ROBO2: variants seen among roughly 807,000 people sequenced by gnomAD.
ROBO2 encodes the protein roundabout homolog 2.
A neutral mutation model predicts 160.8 loss-of-function variants in ROBO2; 53 were observed. The observed-to-expected ratio is 0.33, with a 90% CI of 0.26 to 0.41. ROBO2 has a LOEUF of 0.41. ROBO2 is among the 10% of genes least tolerant of loss of function. The pLI is 1.00. For synonymous variants in ROBO2, 664 were observed against 611.7 expected, an observed-to-expected ratio of 1.09 and a Z score of -1.26; for missense variants, 1,577 against 1,722.4, an observed-to-expected ratio of 0.92 and a Z score of 1.49.
intron 2 of ROBO2, among the ~76,000 whole-genome samples, chr3:76,556,213 C>T (rs1290970905): frequency 6.6e-6 from 1 of 152,166 alleles, no homozygotes; most frequent in African/African-American, 2.4e-5. Flanking sequence ...TAAGAATTCA[C>T]ACCACATTTC....
At chr3:76,196,174 A>C (rs1702253090) in intron 2 of ROBO2, among the ~76,000 whole-genome samples, 1 of 152,108 alleles carries the variant, frequency 6.6e-6, no homozygotes, top group African/African-American at 2.4e-5. Context: ...TTAGCCAAGA[A>C]GCTAAAATGT....
At chr3:76,925,101 G>C (rs560984767) in intron 2 of ROBO2, among the ~76,000 whole-genome samples, 1 of 150,620 alleles carries the variant, frequency 6.6e-6, no homozygotes, top group Non-Finnish European at 1.5e-5. Context: ...CCAGCTACTT[G>C]GGAGGCTGAG....
At chr3:76,154,169 G>C (rs1466196147) in intron 2 of ROBO2, among the ~76,000 whole-genome samples, 1 of 152,070 alleles carries the variant, frequency 6.6e-6, no homozygotes, top group Non-Finnish European at 1.5e-5. Flanking sequence ...ACCGCGCTTT[G>C]GTAACGTTGT....
intron 2 of ROBO2, among the ~76,000 whole-genome samples, chr3:76,694,385 G>A (rs1384628210): frequency 6.6e-6 from 1 of 152,070 alleles, no homozygotes; most frequent in African/African-American, 2.4e-5. Context: ...TTGAAACTGT[G>A]CCAAGCTAAT....
At chr3:76,952,108 C>T (rs1481565435) in intron 2 of ROBO2, among the ~76,000 whole-genome samples, 1 of 152,138 alleles carries the variant, frequency 6.6e-6, no homozygotes, top group Non-Finnish European at 1.5e-5. Context: ...TGACTTTCAG[C>T]AGACCTCCCA....
chr3:77,006,173 G>A (rs1332652736), intron 2 of ROBO2, among the ~76,000 whole-genome samples: 1 of 151,902 alleles, frequency 6.6e-6, no homozygotes, highest in African/African-American at 2.4e-5. Flanking sequence ...GTTTGTTAAG[G>A]ATTCACTGTA....
At chr3:77,488,488 A>G (rs1471373378) in intron 4 of ROBO2, among the ~76,000 whole-genome samples, 3 of 152,202 alleles carry the variant, frequency 2.0e-5, no homozygotes, top group African/African-American at 7.2e-5. Context: ...ATGTTTTAAA[A>G]TTAAGTTTGC....
At chr3:77,566,661 G>A (rs777513865) in intron 12 of ROBO2, among the ~76,000 whole-genome samples, 1 of 152,018 alleles carries the variant, frequency 6.6e-6, no homozygotes, top group Non-Finnish European at 1.5e-5. Context: ...ACTAAATCTT[G>A]ACTCATAAAA....
At chr3:76,147,061 C>T (rs936337762) in intron 2 of ROBO2, among the ~76,000 whole-genome samples, 2 of 150,910 alleles carry the variant, frequency 1.3e-5, no homozygotes, top group East Asian at 2.0e-4. Context: ...ACAGCAAACC[C>T]CAATGACATA....
At chr3:77,174,724 C>A (rs898249300) in intron 2 of ROBO2, among the ~76,000 whole-genome samples, 11 of 152,008 alleles carry the variant, frequency 7.2e-5, no homozygotes, top group Admixed American at 6.6e-4. Context: ...CGAAACCTGT[C>A]AAATAGCTAC....
chr3:77,177,863 T>G (rs1279576633), intron 2 of ROBO2, among the ~76,000 whole-genome samples: 1 of 152,086 alleles, frequency 6.6e-6, no homozygotes, highest in Non-Finnish European at 1.5e-5. Flanking sequence ...TCTCTTCCAT[T>G]TATAATTATG....
intron 2 of ROBO2, among the ~76,000 whole-genome samples, chr3:76,268,008 A>G (rs1707200718): frequency 6.6e-6 from 1 of 152,172 alleles, no homozygotes; most frequent in Non-Finnish European, 1.5e-5. Flanking sequence ...ATGACCAGAG[A>G]TGTGGCAAGG....
At chr3:77,445,901 A>G (rs1302998099) in intron 2 of ROBO2, among the ~76,000 whole-genome samples, 1 of 151,650 alleles carries the variant, frequency 6.6e-6, no homozygotes, top group Non-Finnish European at 1.5e-5. Context: ...GTACAGGTGA[A>G]ATAATTACTA....
intron 2 of ROBO2, among the ~76,000 whole-genome samples, chr3:77,371,043 A>G (rs2071683522): frequency 6.6e-6 from 1 of 152,206 alleles, no homozygotes; most frequent in Admixed American, 6.5e-5. Context: ...GGATATGAGA[A>G]GGAAAGCAAA....
At chr3:77,319,072 C>T (rs1221640124) in intron 2 of ROBO2, among the ~76,000 whole-genome samples, 4 of 152,036 alleles carry the variant, frequency 2.6e-5, no homozygotes, top group African/African-American at 9.7e-5. Context: ...ATTACAATAC[C>T]TGGAAAGTAA....
At chr3:76,735,827 C>A (rs1302567506) in intron 2 of ROBO2, among the ~76,000 whole-genome samples, 1 of 149,670 alleles carries the variant, frequency 6.7e-6, no homozygotes, top group Non-Finnish European at 1.5e-5. Context: ...CCTATAGTAC[C>A]TTTGAGTACT....
chr3:77,478,083 C>G (rs181398528), intron 3 of ROBO2, among the ~76,000 whole-genome samples: 3 of 152,026 alleles, frequency 2.0e-5, no homozygotes, highest in Admixed American at 6.6e-5. Context: ...CCTCAGCCCC[C>G]CAAAGTGCTT....
chr3:76,281,400 A>G (rs1361997064), intron 2 of ROBO2, among the ~76,000 whole-genome samples: 3 of 152,070 alleles, frequency 2.0e-5, no homozygotes, highest in Non-Finnish European at 2.9e-5. Context: ...TTTGATTTTA[A>G]GCGTTTATCT....
At chr3:75,917,133 C>T (rs952854980) in intron 1 of ROBO2, among the ~76,000 whole-genome samples, 14 of 152,072 alleles carry the variant, frequency 9.2e-5, no homozygotes, top group African/African-American at 3.4e-4. Flanking sequence ...AACCCGTTAT[C>T]TAGGTTTTAA....
Sources: allele counts gnomAD v4.1 joint callset (sites outside exome capture counted in the v4.1 genomes callset), GRCh38; gene constraint gnomAD v4.1.1; transcripts MANE v1.5; gene names NCBI Gene and HGNC (gene_info 2026-07-23, HGNC 2026-07-21).